DCC: variants seen among roughly 807,000 people sequenced by gnomAD.
DCC encodes DCC netrin 1 receptor, also known as netrin receptor DCC.
Under a neutral mutation model 172.5 loss-of-function variants are expected in DCC, and 58 were observed. That is an observed-to-expected ratio of 0.34 (90% CI 0.27 to 0.42). The LOEUF is 0.42. DCC is among the 10% of genes least tolerant of loss of function. The probability of loss-of-function intolerance (pLI) is 1.00; values close to 1 mark genes in which losing one functional copy is unlikely to be tolerated. For synonymous variants in DCC, 709 were observed against 644.5 expected, an observed-to-expected ratio of 1.10 and a Z score of -1.52; for missense variants, 1,740 against 1,791.0, an observed-to-expected ratio of 0.97 and a Z score of 0.51.
chr18:53,346,219 C>T (rs1260394331), intron 15 of DCC, among the ~76,000 whole-genome samples: 2 of 151,958 alleles, frequency 1.3e-5, no homozygotes, highest in Admixed American at 6.6e-5. Context: ...GCTTTTAAGA[C>T]TTCTTTAAAA....
chr18:53,528,033 G>A (rs1161509254), intron 28 of DCC, among the ~76,000 whole-genome samples: 1 of 152,056 alleles, frequency 6.6e-6, no homozygotes, highest in African/African-American at 2.4e-5. Context: ...TGCAAATAAT[G>A]TATTGAAAAA....
At chr18:53,486,158 G>GT (rs2045897207) in intron 25 of DCC, among the ~76,000 whole-genome samples, 1 of 152,090 alleles carries the variant, frequency 6.6e-6, no homozygotes, top group Non-Finnish European at 1.5e-5. Flanking sequence ...TATTTTGTAT[G>GT]TTTTTTATCT....
rs376931394 is a variant in DCC at position 53,207,673 on chromosome 18, C to G, written c.1723-6C>G. On this transcript the variant is annotated splice_region_variant and splice_polypyrimidine_tract_variant and intron_variant, in intron 10 of 28. Coordinates refer to ENST00000442544, the MANE Select transcript of DCC (RefSeq NM_005215.4). ...TGATAACAGTTTTGGTGTTTTATGT[C>G]TCCAGAATATAGAGGTTGATGGACT... 6 of 1,612,992 alleles carry G rather than the reference C, an allele frequency of 3.7e-6. No individual in the cohort carries two copies. The highest frequency in any genetic ancestry group is 1.3e-5 in the African/African-American group (1 of 74,844).
At chr18:52,953,036 CA>C (rs2040683160) in intron 5 of DCC, among the ~76,000 whole-genome samples, 7 of 124,818 alleles carry the variant, frequency 5.6e-5, no homozygotes, top group Non-Finnish European at 1.2e-4. Flanking sequence ...AAACTCATAA[CA>C]TTGCCTTTAA....
At chr18:53,521,472 G>A (rs924296098) in intron 27 of DCC, among the ~76,000 whole-genome samples, 6 of 152,102 alleles carry the variant, frequency 3.9e-5, no homozygotes, top group African/African-American at 2.4e-5. Context: ...CGTAGGCTAT[G>A]CCTAGGAATT....
chr18:53,301,814 T>C (rs1345492612), intron 12 of DCC, among the ~76,000 whole-genome samples: 3 of 152,186 alleles, frequency 2.0e-5, no homozygotes, highest in Non-Finnish European at 2.9e-5. Context: ...CTCCTCCTCT[T>C]CCTTATTTTG....
chr18:52,566,684 G>C (rs1433288206), intron 1 of DCC, among the ~76,000 whole-genome samples: 3 of 151,948 alleles, frequency 2.0e-5, no homozygotes, highest in Non-Finnish European at 4.4e-5. Flanking sequence ...TTTTGAGAAG[G>C]CTGGAATTGG....
chr18:52,599,575 C>T (rs941673978), intron 1 of DCC, among the ~76,000 whole-genome samples: 18 of 151,706 alleles, frequency 1.2e-4, no homozygotes, highest in African/African-American at 2.9e-4. Context: ...AGTGCAATGG[C>T]GCAATCTCTG....
At chr18:52,436,489 G>C (rs539488198) in intron 1 of DCC, among the ~76,000 whole-genome samples, 1 of 152,290 alleles carries the variant, frequency 6.6e-6, no homozygotes, top group East Asian at 1.9e-4. Flanking sequence ...TTACATATGC[G>C]ATCCTGGGAC....
At position 53,097,349 on chromosome 18, in the gene DCC, T is replaced by C. The variant is rs112765759; in HGVS notation, c.1261+31183T>C. Among the ~76,000 whole-genome samples, 1,431 of 152,320 alleles carry C rather than the reference T, an allele frequency of 9.4e-3. 31 individuals are homozygous for C. Among genetic ancestry groups the C allele is most frequent in the African/African-American group, 0.032 (1,331 of 41,568 alleles). On this transcript the variant is annotated intron_variant, in intron 7 of 28. Coordinates refer to ENST00000442544, the MANE Select transcript of DCC (RefSeq NM_005215.4). ...ACCTAGGCCATTATCCTGCTAACAC[T>C]ACATCCTGTTGCCACCTATATGGTT...
intron 1 of DCC, among the ~76,000 whole-genome samples, chr18:52,517,473 A>C (rs2031679079): frequency 6.6e-6 from 1 of 152,152 alleles, no homozygotes; most frequent in Non-Finnish European, 1.5e-5. Flanking sequence ...ATGACCCCTA[A>C]ACCCAGTTAC....
chr18:52,660,658 T>G (rs2035342256), intron 1 of DCC, among the ~76,000 whole-genome samples: 1 of 152,232 alleles, frequency 6.6e-6, no homozygotes, highest in African/African-American at 2.4e-5. Context: ...TTTGTGTTTC[T>G]GTAGCTTGTC....
chr18:53,419,206 G>A (rs529790609), intron 21 of DCC, among the ~76,000 whole-genome samples: 16 of 152,188 alleles, frequency 1.1e-4, no homozygotes, highest in African/African-American at 3.9e-4. Flanking sequence ...TACATGAGAT[G>A]CTTTGATACA....
intron 1 of DCC, among the ~76,000 whole-genome samples, chr18:52,567,668 G>A (rs1447490863): frequency 6.6e-6 from 1 of 152,118 alleles, no homozygotes; most frequent in Non-Finnish European, 1.5e-5. Flanking sequence ...CTAAAGCAGG[G>A]ATGAAAGGAG....
chr18:52,551,470 A>G (rs2032768124), intron 1 of DCC, among the ~76,000 whole-genome samples: 1 of 151,998 alleles, frequency 6.6e-6, no homozygotes, highest in Non-Finnish European at 1.5e-5. Context: ...TTGAAGGAAT[A>G]CTCACACTTC....
chr18:53,230,709 C>G (rs952030889), intron 12 of DCC, among the ~76,000 whole-genome samples: 1 of 151,824 alleles, frequency 6.6e-6, no homozygotes, highest in African/African-American at 2.4e-5. Flanking sequence ...GTAAAGGGAG[C>G]AAATGCTGGC....
intron 21 of DCC, among the ~76,000 whole-genome samples, chr18:53,434,651 A>G (rs73461190): frequency 0.042 from 6,408 of 152,242 alleles, 443 homozygotes; most frequent in African/African-American, 0.14. Flanking sequence ...ATTTCCAGGT[A>G]CTGTATTTGA....
intron 5 of DCC, among the ~76,000 whole-genome samples, chr18:52,979,080 G>A (rs183305182): frequency 7.4e-5 from 11 of 149,314 alleles, no homozygotes; most frequent in Non-Finnish European, 1.3e-4. Context: ...AATATCTCAT[G>A]TGTGAAGGAA....
chr18:52,859,742 G>T (rs1221016989), intron 2 of DCC, among the ~76,000 whole-genome samples: 1 of 152,126 alleles, frequency 6.6e-6, no homozygotes, highest in Non-Finnish European at 1.5e-5. Context: ...TCTGTTTGCA[G>T]GCCCTCTGAA....
Sources: allele counts gnomAD v4.1 joint callset (sites outside exome capture counted in the v4.1 genomes callset), GRCh38; gene constraint gnomAD v4.1.1; transcripts MANE v1.5; gene names NCBI Gene and HGNC (gene_info 2026-07-23, HGNC 2026-07-21).